AVEN: variants seen among roughly 807,000 people sequenced by gnomAD.
AVEN encodes the protein cell death regulator Aven.
In AVEN, 41 loss-of-function variants were observed where a neutral mutation model predicts 38.1. The ratio of observed to expected loss-of-function variants is 1.08; its 90% CI spans 0.84 to 1.40. The LOEUF (loss-of-function observed/expected upper bound fraction) is 1.40. Ranked by LOEUF, AVEN falls within the 40% of genes most tolerant of loss-of-function variation. AVEN has a pLI of 0.00. For synonymous variants in AVEN, 206 were observed against 171.8 expected (o/e 1.20, Z -1.56); for missense variants, 605 against 438.8 (o/e 1.38, Z -3.38).
intron 5 of AVEN, among the ~76,000 whole-genome samples, chr15:34,059,907 A>C (rs777342492): frequency 1.2e-4 from 19 of 152,240 alleles, no homozygotes; most frequent in Non-Finnish European, 2.9e-5. Flanking sequence ...GAGCAGAGAC[A>C]TTAGCCTATT....
chr15:33,880,893 AG>A (rs1486340960), intron 2 of AVEN, among the ~76,000 whole-genome samples: 1 of 152,188 alleles, frequency 6.6e-6, no homozygotes, highest in African/African-American at 2.4e-5. Context: ...ACATCCATGA[AG>A]GCATCTTTGA....
intron 2 of AVEN, among the ~76,000 whole-genome samples, chr15:33,930,230 T>C (rs1362756780): frequency 6.6e-6 from 1 of 152,130 alleles, no homozygotes; most frequent in Non-Finnish European, 1.5e-5. Context: ...AGCAGAACCA[T>C]GTCCCAAGGA....
intron 2 of AVEN, among the ~76,000 whole-genome samples, chr15:33,993,886 C>T (rs867997042): frequency 2.6e-5 from 4 of 152,090 alleles, no homozygotes; most frequent in Non-Finnish European, 4.4e-5. Context: ...ATCATACTAA[C>T]GAATTCTGTG....
chr15:34,018,938 T>C (rs901358874), intron 1 of AVEN, among the ~76,000 whole-genome samples: 7 of 152,120 alleles, frequency 4.6e-5, no homozygotes, highest in Non-Finnish European at 1.0e-4. Flanking sequence ...TGGTGTTTTT[T>C]ACAATCCTTC....
rs1212794149 is a variant in AVEN, at chr15:33,907,304, T to C, written c.446-31309A>G. Among the ~76,000 whole-genome samples the C allele has an allele frequency of 3.3e-5, 5 of 152,162 alleles. No homozygotes were observed. In the East Asian group the frequency reaches 9.6e-4, roughly 29 times the overall value. The stretch of plus-strand genomic sequence containing the variant: ...GTCCCTTTTCCTCTCTCTCAGGCAA[T>C]GTTATGTCTCAAGGGCAGGAACCTG... On this transcript the variant is annotated intron_variant, in intron 2 of 5. Coordinates refer to ENST00000306730, the MANE Select transcript of AVEN (RefSeq NM_020371.3).
Position 33,929,518 on chromosome 15 carries a change from A to C in AVEN, c.446-53523T>G, listed in dbSNP as rs560171025. On this transcript the variant is annotated intron_variant, in intron 2 of 5. Coordinates refer to ENST00000306730, the MANE Select transcript of AVEN (RefSeq NM_020371.3). ...GCCTTGTGAGCTACCCAAGTAAAAG[A>C]GGCTAGTTTACAAGGCTGCTAAATT... 9.2e-5 allele frequency among the ~76,000 whole-genome samples: 14 copies of C among 152,308 alleles called. 1 individual carries two copies. The South Asian group carries it at 1.9e-3, about 20-fold the overall frequency.
intron 2 of AVEN, among the ~76,000 whole-genome samples, chr15:33,927,306 AGAT>A (rs1893654482): frequency 6.6e-6 from 1 of 152,052 alleles, no homozygotes; most frequent in South Asian, 2.1e-4. Flanking sequence ...GACTTAAGTG[AGAT>A]GATATGTTAA....
intron 1 of AVEN, among the ~76,000 whole-genome samples, chr15:34,021,584 G>A (rs892357457): frequency 3.9e-5 from 6 of 152,164 alleles, no homozygotes; most frequent in African/African-American, 1.4e-4. Flanking sequence ...GCCGTGTAAG[G>A]TGGCTCATGC....
In AVEN at chr15:33,866,760, A is replaced by AGAT. The variant is rs746270047; in HGVS notation, c.974-35_974-33dup. On this transcript the variant is annotated intron_variant, in intron 5 of 5. Coordinates refer to ENST00000306730, the MANE Select transcript of AVEN (RefSeq NM_020371.3). ...GAAAAAAAACAATGTTAACACCCTCAGATGAGTCCTAAAATTGAAGGTATA... is the reference window on the plus strand; with the variant it reads ...GAAAAAAAACAATGTTAACACCCTCAGATGATGAGTCCTAAAATTGAAGGTATA... 4.8e-6 allele frequency: 7 copies of AGAT among 1,470,050 alleles called. No homozygotes were observed. In the South Asian group the frequency reaches 8.1e-5, roughly 17 times the overall value. 91.1% of individuals were successfully genotyped at this position (1,470,050 alleles called of 1,614,324 possible).
At chr15:33,922,176 T>C (rs941029260) in intron 2 of AVEN, among the ~76,000 whole-genome samples, 2 of 152,178 alleles carry the variant, frequency 1.3e-5, no homozygotes, top group Non-Finnish European at 2.9e-5. Context: ...TTGGAAAATA[T>C]GTCACATAAG....
downstream of AVEN, chr15:33,863,992 T>A (rs1432405428): frequency 6.9e-6 from 4 of 580,696 alleles, no homozygotes; most frequent in Non-Finnish European, 1.2e-5. Context: ...ATGGTTTGTG[T>A]CCTTATGCCA....
chr15:33,932,512 T>C (rs980100216), intron 2 of AVEN, among the ~76,000 whole-genome samples: 7 of 152,160 alleles, frequency 4.6e-5, no homozygotes, highest in African/African-American at 1.7e-4. Flanking sequence ...AATGGTCTCC[T>C]TAAGCCAGCG....
intron 2 of AVEN, among the ~76,000 whole-genome samples, chr15:33,986,893 G>A (rs1328908022): frequency 4.6e-5 from 7 of 152,156 alleles, no homozygotes; most frequent in African/African-American, 9.6e-5. Flanking sequence ...TCCTGACCTC[G>A]TGATCCGCCC....
chr15:33,858,132 C>G (rs2079899097), downstream of AVEN: 3 of 602,672 alleles, frequency 5.0e-6, no homozygotes, highest in Non-Finnish European at 8.5e-6. Context: ...TACCACACAT[C>G]TAAGCCCCGT....
At chr15:33,909,658 T>C (rs923036643) in intron 2 of AVEN, among the ~76,000 whole-genome samples, 1 of 152,356 alleles carries the variant, frequency 6.6e-6, no homozygotes, top group East Asian at 1.9e-4. Flanking sequence ...TTCCTACCCC[T>C]ACACCAAGCT....
chr15:34,047,059 T>G (rs1166927039), intron 5 of AVEN, among the ~76,000 whole-genome samples: 1 of 143,116 alleles, frequency 7.0e-6, no homozygotes, highest in African/African-American at 2.5e-5. Flanking sequence ...TTTTTTGTTT[T>G]GGTTTTTTTG....
At chr15:33,870,522 T>C (rs1890898671) in intron 4 of AVEN, among the ~76,000 whole-genome samples, 2 of 152,228 alleles carry the variant, frequency 1.3e-5, no homozygotes, top group Admixed American at 6.5e-5. Flanking sequence ...TCACAGGATG[T>C]ATTACAATTT....
chr15:34,030,726 C>T (rs780944619), intron 1 of AVEN, among the ~76,000 whole-genome samples: 1 of 152,100 alleles, frequency 6.6e-6, no homozygotes, highest in Non-Finnish European at 1.5e-5. Context: ...TAAAAATCTT[C>T]CTGCCTCGGC....
intron 1 of AVEN, among the ~76,000 whole-genome samples, chr15:34,020,896 A>G (rs1358589852): frequency 6.6e-6 from 1 of 152,208 alleles, no homozygotes; most frequent in Non-Finnish European, 1.5e-5. Flanking sequence ...ACCTACCAAA[A>G]TTCTCTTCCT....
Sources: gnomAD v4.1 joint callset for allele counts (sites outside exome capture counted in the v4.1 genomes callset) on GRCh38, gnomAD v4.1.1 for gene constraint, MANE v1.5 for transcripts, NCBI Gene and HGNC (gene_info 2026-07-23, HGNC 2026-07-21) for gene names.